Variants in DNASE1 observed in about 807,000 individuals in gnomAD.
DNASE1 encodes the protein deoxyribonuclease 1.
Under a neutral mutation model 33.9 loss-of-function variants are expected in DNASE1, and 40 were observed. The observed-to-expected ratio is 1.18, with a 90% confidence interval of 0.92 to 1.54. The LOEUF (loss-of-function observed/expected upper bound fraction) is 1.54. DNASE1 is among the 40% of genes most tolerant of loss of function. The pLI is 0.00. For missense variants in DNASE1, 518 were observed against 372.6 expected (o/e 1.39, Z -3.21); for synonymous variants, 216 against 160.0 (o/e 1.35, Z -2.64).
At chr16:3,651,263 G>C (rs2042328350), upstream of DNASE1, 2 of 152,318 alleles carry the variant, frequency 1.3e-5, no homozygotes, top group Admixed American at 1.3e-4. Flanking sequence ...ACCTGGCTTA[G>C]ATGTCAATAT....
intron 1 of DNASE1, among the ~76,000 whole-genome samples, chr16:3,647,261 G>C (rs2042200835): frequency 6.8e-6 from 1 of 147,194 alleles, no homozygotes; most frequent in South Asian, 2.1e-4. Context: ...CTAATCATGG[G>C]ATTTTTTTTT....
At chr16:3,663,054 C>T (rs1220787345), downstream of DNASE1, 3 of 1,002,910 alleles carry the variant, frequency 3.0e-6, no homozygotes, top group Non-Finnish European at 4.4e-6. Context: ...TTCCAGCTCC[C>T]ACCTCCTCTC....
chr16:3,658,955 A>C (rs2042896703), downstream of DNASE1: 17 of 1,313,608 alleles, frequency 1.3e-5, no homozygotes, highest in Admixed American at 1.7e-4. Flanking sequence ...ATATTTAAAG[A>C]AGCACAGTAA....
chr16:3,614,714 A>G (rs1406114034), intron 1 of DNASE1, among the ~76,000 whole-genome samples: 1 of 152,182 alleles, frequency 6.6e-6, no homozygotes, highest in Non-Finnish European at 1.5e-5. Flanking sequence ...GTCTTGAGGA[A>G]TTAGACCTGG....
intron 1 of DNASE1, among the ~76,000 whole-genome samples, chr16:3,624,439 G>A (rs2041434201): frequency 1.3e-5 from 2 of 152,166 alleles, no homozygotes; most frequent in Admixed American, 1.3e-4. Context: ...TAGGCACTGG[G>A]TTAGCGTCCC....
At chr16:3,631,685 G>C (rs907964094) in intron 1 of DNASE1, among the ~76,000 whole-genome samples, 1 of 151,556 alleles carries the variant, frequency 6.6e-6, no homozygotes, top group African/African-American at 2.4e-5. Context: ...ACCATGCCCG[G>C]CTAATTTTTG....
intron 1 of DNASE1, among the ~76,000 whole-genome samples, chr16:3,644,183 C>A (rs141349862): frequency 3.4e-3 from 514 of 152,294 alleles, no homozygotes; most frequent in African/African-American, 0.012. Flanking sequence ...TAGCTCACAC[C>A]TGTAATCCCA....
upstream of DNASE1, chr16:3,652,357 C>T (rs2042363711): frequency 6.6e-6 from 1 of 152,378 alleles, no homozygotes; most frequent in Non-Finnish European, 1.5e-5. Flanking sequence ...TGGCCGCCCT[C>T]TAGCTTTACT....
chr16:3,656,439 C>T (rs1274847194), intron 4 of DNASE1, among the ~76,000 whole-genome samples, 199 bp from the exon 5 acceptor site: 1 of 113,166 alleles, frequency 8.8e-6, no homozygotes, highest in Non-Finnish European at 1.8e-5. Context: ...CCTCCTGTCG[C>T]CTGGGTCCCG....
At chr16:3,634,089 C>T (rs902233399) in intron 1 of DNASE1, among the ~76,000 whole-genome samples, 1 of 151,656 alleles carries the variant, frequency 6.6e-6, no homozygotes, top group Non-Finnish European at 1.5e-5. Context: ...GGATTACAGG[C>T]GTGAACCACC....
chr16:3,664,392 G>A lies in DNASE1; in HGVS notation c.*6439G>A, dbSNP rs757039118. 4 of 1,612,472 alleles carry A rather than the reference G, an allele frequency of 2.5e-6. No homozygotes were observed. The highest frequency in any genetic ancestry group is 3.4e-6 in the Non-Finnish European group (4 of 1,179,478). On this transcript the variant is annotated 3_prime_UTR_variant, in exon 10 of 10. Transcript: ENST00000407479. Reference sequence around the variant, plus strand: ...GGCCCGCATGCGGCTGGCGTATTCTGAGAGGCTGGTTAGCTGCCCGGAGGG... The same window carrying A: ...GGCCCGCATGCGGCTGGCGTATTCTAAGAGGCTGGTTAGCTGCCCGGAGGG...
chr16:3,618,418 A>G (rs2041184667), intron 1 of DNASE1, among the ~76,000 whole-genome samples: 2 of 152,194 alleles, frequency 1.3e-5, no homozygotes, highest in Non-Finnish European at 2.9e-5. Context: ...TTCTAAGGAT[A>G]TGTCCCAAAA....
At chr16:3,640,675 C>T, upstream of DNASE1, 1 of 398,554 alleles carries the variant, frequency 2.5e-6, no homozygotes, top group Non-Finnish European at 4.4e-6. Context: ...GCTGGGTGAG[C>T]TGATGGGCAT....
upstream of DNASE1, among the ~76,000 whole-genome samples, chr16:3,649,793 G>A (rs973704583): frequency 3.9e-5 from 6 of 152,026 alleles, no homozygotes; most frequent in Admixed American, 3.9e-4. Flanking sequence ...CAAGTGTTGT[G>A]GGATAAAGGA....
chr16:3,633,040 C>G (rs557389083), intron 1 of DNASE1, among the ~76,000 whole-genome samples: 10 of 152,134 alleles, frequency 6.6e-5, no homozygotes, highest in South Asian at 6.2e-4. Flanking sequence ...ATTTTTGACC[C>G]AACACATGCT....
intron 7 of DNASE1, 75 bp from the exon 8 acceptor site, chr16:3,657,645 G>A (rs1046011515): frequency 3.2e-6 from 5 of 1,585,508 alleles, no homozygotes; most frequent in Admixed American, 1.8e-5. Flanking sequence ...AGGGCTCTTA[G>A]TTTAGTTCCT....
downstream of DNASE1, chr16:3,662,248 G>A (rs1404393374): frequency 3.2e-6 from 4 of 1,244,446 alleles, no homozygotes; most frequent in African/African-American, 3.0e-5. Flanking sequence ...GGGTCTCAAG[G>A]ACTCCCCTGG....
upstream of DNASE1, among the ~76,000 whole-genome samples, chr16:3,641,802 C>A (rs186392378): frequency 2.6e-5 from 4 of 152,284 alleles, no homozygotes; most frequent in East Asian, 7.7e-4. Flanking sequence ...CCCACATTGC[C>A]TCAGTGTCCT....
At chr16:3,660,994 G>A (rs1175855953), downstream of DNASE1, 1 of 151,918 alleles carries the variant, frequency 6.6e-6, no homozygotes, top group Non-Finnish European at 1.5e-5. Flanking sequence ...TTTCCTTTTT[G>A]CTGTTTTCTA....
Sources: allele counts gnomAD v4.1 joint callset (sites outside exome capture counted in the v4.1 genomes callset), GRCh38; gene constraint gnomAD v4.1.1; transcripts MANE v1.5; gene names NCBI Gene and HGNC (gene_info 2026-07-23, HGNC 2026-07-21).